MCTP1: variants seen among roughly 807,000 people sequenced by gnomAD.
The protein encoded by MCTP1 is multiple C2 and transmembrane domain containing 1.
A neutral mutation model predicts 120.6 loss-of-function variants in MCTP1; 69 were observed. That is an observed-to-expected ratio of 0.57 (90% CI 0.47 to 0.70). MCTP1 has a LOEUF of 0.70. Ranked by LOEUF, MCTP1 falls within the 30% of genes least tolerant of loss-of-function variation. The pLI is 0.00. For missense variants in MCTP1, 1,203 were observed against 1,248.8 expected (o/e 0.96, Z 0.55); for synonymous variants, 529 against 493.1 (o/e 1.07, Z -0.96).
Position 94,755,671 on chromosome 5 carries a change from C to A in MCTP1, c.2610+23439G>T, listed in dbSNP as rs902600827. Among the ~76,000 whole-genome samples the A allele has an allele frequency of 3.3e-5, 5 of 152,200 alleles. No individual in the cohort carries two copies. In the East Asian group the frequency reaches 9.6e-4, roughly 29 times the overall value. ...GGGACCCTTCGGATTCCCCTCCTATCACTCTGAAGACTCCTTTTCAGTATA... is the reference window on the plus strand; with the variant it reads ...GGGACCCTTCGGATTCCCCTCCTATAACTCTGAAGACTCCTTTTCAGTATA... On this transcript the variant is annotated intron_variant, in intron 19 of 22. Coordinates refer to ENST00000515393, the MANE Select transcript of MCTP1 (RefSeq NM_024717.7).
At chr5:95,220,588 T>C (rs1208452310) in intron 1 of MCTP1, among the ~76,000 whole-genome samples, 1 of 152,234 alleles carries the variant, frequency 6.6e-6, no homozygotes, top group Non-Finnish European at 1.5e-5. Flanking sequence ...CATTCATCAA[T>C]GTAACTCAGT....
chr5:94,765,640 G>A (rs1239146317), intron 19 of MCTP1, among the ~76,000 whole-genome samples: 1 of 150,508 alleles, frequency 6.6e-6, no homozygotes, highest in Admixed American at 6.6e-5. Flanking sequence ...GGTGGAGGTT[G>A]CTGTGAGCCG....
intron 1 of MCTP1, among the ~76,000 whole-genome samples, chr5:95,174,365 A>C (rs1406902594): frequency 1.3e-5 from 2 of 152,206 alleles, no homozygotes; most frequent in African/African-American, 2.4e-5. Flanking sequence ...AAAAGATACT[A>C]AACCCAAGAA....
At chr5:94,903,400 C>T (rs1057160822) in intron 10 of MCTP1, among the ~76,000 whole-genome samples, 4 of 152,058 alleles carry the variant, frequency 2.6e-5, no homozygotes, top group Non-Finnish European at 5.9e-5. Context: ...TGGTTTTTAT[C>T]CAAAGTCAAA....
chr5:94,940,913 ATAAAACAGCATACACAAATAGGTTATTT>A lies in MCTP1; in HGVS notation c.1062-746_1062-719del, dbSNP rs548920338. The stretch of plus-strand genomic sequence containing the variant: ...CAGAGACTATTGATTTATATTTAGA[ATAAAACAGCATACACAAATAGGTTATTT>A]TAAAAAGTAGTAATTAGATGTTTAT... On this transcript the variant is annotated intron_variant, in intron 4 of 22. Coordinates refer to ENST00000515393, the MANE Select transcript of MCTP1 (RefSeq NM_024717.7). Among the ~76,000 whole-genome samples, 458 of 152,006 alleles carry A rather than the reference ATAAAACAGCATACACAAATAGGTTATTT, an allele frequency of 3.0e-3. 2 individuals carry two copies. Among genetic ancestry groups the A allele is most frequent in the African/African-American group, 0.01 (426 of 41,516 alleles).
intron 19 of MCTP1, among the ~76,000 whole-genome samples, chr5:94,721,876 C>T (rs1433593420): frequency 3.6e-4 from 42 of 117,772 alleles, no homozygotes; most frequent in Admixed American, 5.1e-4. Flanking sequence ...ATTAAGGTTT[C>T]TTTTGAAGGT....
intron 1 of MCTP1, among the ~76,000 whole-genome samples, chr5:95,263,583 A>G (rs545849116): frequency 3.9e-5 from 6 of 152,336 alleles, no homozygotes; most frequent in Non-Finnish European, 7.4e-5. Context: ...AATTCATGCT[A>G]AAGTATAAAT....
intron 1 of MCTP1, among the ~76,000 whole-genome samples, chr5:95,233,669 A>G (rs1755218385): frequency 6.6e-6 from 1 of 152,236 alleles, no homozygotes; most frequent in South Asian, 2.1e-4. Flanking sequence ...GTCAAAGAAT[A>G]AAACAATCAG....
intron 1 of MCTP1, among the ~76,000 whole-genome samples, chr5:95,103,644 G>A (rs1394782831): frequency 1.3e-5 from 2 of 152,158 alleles, no homozygotes; most frequent in African/African-American, 4.8e-5. Flanking sequence ...GTAGGGGTGA[G>A]ATGACATCAT....
At chr5:94,811,604 C>A (rs1337594524) in intron 17 of MCTP1, among the ~76,000 whole-genome samples, 1 of 152,150 alleles carries the variant, frequency 6.6e-6, no homozygotes, top group African/African-American at 2.4e-5. Context: ...TCTTTTATAG[C>A]AAGTACAAAT....
intron 1 of MCTP1, among the ~76,000 whole-genome samples, chr5:95,052,825 T>C (rs1746359895): frequency 6.6e-6 from 1 of 152,246 alleles, no homozygotes. Context: ...TTCATTAAGC[T>C]TGTTTTAAAA....
intron 7 of MCTP1, among the ~76,000 whole-genome samples, chr5:94,922,028 A>G (rs1270748751): frequency 1.3e-5 from 2 of 152,212 alleles, no homozygotes; most frequent in Non-Finnish European, 2.9e-5. Context: ...AGGCAATGAC[A>G]TCAGTGTGAT....
chr5:94,741,047 C>T (rs1417842165), intron 19 of MCTP1, among the ~76,000 whole-genome samples: 3 of 152,172 alleles, frequency 2.0e-5, no homozygotes, highest in Non-Finnish European at 4.4e-5. Context: ...TGTCAAGAGT[C>T]TTCATGACCA....
chr5:94,776,379 C>T (rs1775328951), intron 19 of MCTP1, among the ~76,000 whole-genome samples: 1 of 152,064 alleles, frequency 6.6e-6, no homozygotes, highest in Admixed American at 6.6e-5. Context: ...TTAGGGAACG[C>T]CTGCCAGGGG....
In MCTP1 at chr5:94,884,808, T is replaced by TA. The variant is rs561506567; in HGVS notation, c.1933+4070dup. 7.2e-5 allele frequency among the ~76,000 whole-genome samples: 11 copies of TA among 152,310 alleles called. No homozygotes were observed. The South Asian group carries it at 1.0e-3, about 14-fold the overall frequency. ...ATAATAAGACTCTCACGGAAGCTGA[T>TA]AAAAAAACTGTAGCATGTCTTTTTC... On this transcript the variant is annotated intron_variant, in intron 12 of 22. Coordinates refer to ENST00000515393, the MANE Select transcript of MCTP1 (RefSeq NM_024717.7).
At chr5:95,183,583 T>C (rs919768082) in intron 1 of MCTP1, among the ~76,000 whole-genome samples, 9 of 152,044 alleles carry the variant, frequency 5.9e-5, no homozygotes, top group Non-Finnish European at 1.3e-4. Context: ...ACATATTGTA[T>C]ATCCAAAATA....
At chr5:95,267,621 C>A (rs540821091) in intron 1 of MCTP1, among the ~76,000 whole-genome samples, 1 of 152,352 alleles carries the variant, frequency 6.6e-6, no homozygotes, top group Non-Finnish European at 1.5e-5. Context: ...CTTTACAAGA[C>A]AACTTTGTGA....
rs948398878 is a variant in MCTP1, at chr5:94,952,182, A to G, written c.981+1037T>C. On this transcript the variant is annotated intron_variant, in intron 3 of 22. Coordinates refer to ENST00000515393, the MANE Select transcript of MCTP1 (RefSeq NM_024717.7). ...ATGAGACTTTGTCGCAAAAAAAAAA[A>G]AAAAAAAAAAAGCTATTGAATTGAT... 2.3e-4 allele frequency among the ~76,000 whole-genome samples: 35 copies of G among 151,262 alleles called. 1 individual carries two copies. The highest frequency in any genetic ancestry group is 8.5e-4 in the African/African-American group (35 of 41,280).
chr5:95,263,984 T>TA (rs758336820), intron 1 of MCTP1, among the ~76,000 whole-genome samples: 2 of 152,080 alleles, frequency 1.3e-5, no homozygotes, highest in Non-Finnish European at 2.9e-5. Flanking sequence ...CAGATCCCCT[T>TA]AAAAAACCAT....
Sources: gnomAD v4.1 joint callset for allele counts (sites outside exome capture counted in the v4.1 genomes callset) on GRCh38, gnomAD v4.1.1 for gene constraint, MANE v1.5 for transcripts, NCBI Gene and HGNC (gene_info 2026-07-23, HGNC 2026-07-21) for gene names.